VPS13A: variants seen among roughly 807,000 people sequenced by gnomAD.
VPS13A encodes the protein vacuolar protein sorting 13 homolog A.
A neutral mutation model predicts 390.9 loss-of-function variants in VPS13A; 264 were observed. The observed-to-expected ratio is 0.68, with a 90% confidence interval of 0.61 to 0.75. VPS13A has a LOEUF of 0.75. Among genes scored for constraint, VPS13A ranks in the 30% least tolerant of loss-of-function variants. The pLI is 0.00. For synonymous variants in VPS13A, 1,231 were observed against 1,227.1 expected, an observed-to-expected ratio of 1.00 and a Z score of -0.07; for missense variants, 3,409 against 3,733.9, an observed-to-expected ratio of 0.91 and a Z score of 2.27.
chr9:77,215,799 A>T (rs965836594), intron 10 of VPS13A, among the ~76,000 whole-genome samples: 1 of 152,248 alleles, frequency 6.6e-6, no homozygotes, highest in Non-Finnish European at 1.5e-5. Context: ...GTGCTGTGCC[A>T]GCAAAACCTG....
chr9:77,328,727 C>G (rs1259031045), intron 45 of VPS13A, among the ~76,000 whole-genome samples: 2 of 152,172 alleles, frequency 1.3e-5, no homozygotes, highest in Non-Finnish European at 2.9e-5. Flanking sequence ...CTGCAACTTG[C>G]TCATGTCTCT....
rs997246737 is a variant in VPS13A at position 77,315,239 on chromosome 9, A to G, written c.4413-14A>G. ...TTACTCATACATAGGAATTGTTGTT[A>G]TTGTGTTTTCCAGAATGATAGGACT... On this transcript the variant is annotated splice_polypyrimidine_tract_variant and intron_variant, in intron 37 of 71. Transcript: ENST00000360280. 3.2e-5 allele frequency: 51 copies of G among 1,609,208 alleles called. No individual in the cohort carries two copies. Among genetic ancestry groups the G allele is most frequent in the Non-Finnish European group, 4.1e-5 (48 of 1,175,942 alleles).
At chr9:77,214,710 A>G (rs1229495051) in intron 10 of VPS13A, among the ~76,000 whole-genome samples, 5 of 152,232 alleles carry the variant, frequency 3.3e-5, no homozygotes, top group Admixed American at 6.5e-5. Context: ...GTAAAATTTA[A>G]TAAGGCTAGC....
chr9:77,281,956 T>G (rs1253367442), intron 28 of VPS13A, 30 bp downstream of exon 28: 4 of 1,425,832 alleles, frequency 2.8e-6, no homozygotes, highest in Non-Finnish European at 2.9e-6. Flanking sequence ...TTTTTAATTA[T>G]GTACTATTTC....
At chr9:77,204,431 A>G (rs1350048062) in intron 3 of VPS13A, among the ~76,000 whole-genome samples, 1 of 152,130 alleles carries the variant, frequency 6.6e-6, no homozygotes, top group African/African-American at 2.4e-5. Flanking sequence ...GGATGTTTTC[A>G]TTAGTTTGCA....
intron 21 of VPS13A, among the ~76,000 whole-genome samples, chr9:77,252,006 C>T (rs1457832489): frequency 6.6e-6 from 1 of 152,008 alleles, no homozygotes; most frequent in African/African-American, 2.4e-5. Context: ...TGCTTTACTG[C>T]CATGTTACTT....
At chr9:77,187,570 T>G (rs1195222304) in intron 1 of VPS13A, among the ~76,000 whole-genome samples, 1 of 151,592 alleles carries the variant, frequency 6.6e-6, no homozygotes, top group African/African-American at 2.4e-5. Flanking sequence ...TTAATCAGGT[T>G]GTTTGTTTTT....
At chr9:77,245,395 T>C (rs1252389946) in intron 19 of VPS13A, among the ~76,000 whole-genome samples, 1 of 152,224 alleles carries the variant, frequency 6.6e-6, no homozygotes, top group Non-Finnish European at 1.5e-5. Context: ...TTGACCCTTC[T>C]GGATGCTTCT....
At chr9:77,358,829 T>A (rs1220496834) in intron 57 of VPS13A, among the ~76,000 whole-genome samples, 1 of 152,102 alleles carries the variant, frequency 6.6e-6, no homozygotes. Context: ...TTTCTACCCT[T>A]TTCTTTCCCT....
In VPS13A at chr9:77,276,180, C is replaced by T. The variant is rs757651034; in HGVS notation, c.2783C>T (p.Ala928Val). 1.2e-6 allele frequency: 2 copies of T among 1,609,694 alleles called. No individual in the cohort carries two copies. The highest frequency in any genetic ancestry group is 1.7e-6 in the Non-Finnish European group (2 of 1,178,036). Residue 928 changes from alanine to valine, a missense_variant, in exon 26 of 72, where the codon GCC (alanine) becomes GTC (valine). By Grantham distance (64) the Ala-to-Val change is moderately conservative. This residue lies in a region of VPS13A where 2,717 missense variants were observed against 2,917.4 expected (regional missense o/e 0.93). Transcript: ENST00000360280. ...AGAACATACGATTTGAAAGCAAATGCCTTTTTGAAAGAGTTCTGCTTAAAA... is the reference window on the plus strand; with the variant it reads ...AGAACATACGATTTGAAAGCAAATGTCTTTTTGAAAGAGTTCTGCTTAAAA... ...EIRTYDLKAN[A>V]FLKEFCLKCP...
At chr9:77,339,484 A>ATTTTTTTTTTTTTTTTTTTTTTTTTTTT (rs200451091) in intron 47 of VPS13A, 32 bp from the exon 48 acceptor site, 6 of 1,397,204 alleles carry the variant, frequency 4.3e-6, no homozygotes, top group Non-Finnish European at 2.9e-6. Flanking sequence ...AACATTTTAA[A>ATTTTTTTTTTTTTTTTTTTTTTTTTTTT]TTTTGTTTTG....
At chr9:77,242,374 C>T (rs1006467030) in intron 19 of VPS13A, among the ~76,000 whole-genome samples, 4 of 152,128 alleles carry the variant, frequency 2.6e-5, no homozygotes, top group Admixed American at 2.6e-4. Flanking sequence ...CATCTTGATT[C>T]ATTATTAATT....
At chr9:77,182,135 C>G (rs752437384) in intron 1 of VPS13A, among the ~76,000 whole-genome samples, 1 of 152,088 alleles carries the variant, frequency 6.6e-6, no homozygotes, top group African/African-American at 2.4e-5. Flanking sequence ...GTTCTGTCAC[C>G]CGGGTGGGAG....
intron 10 of VPS13A, among the ~76,000 whole-genome samples, chr9:77,219,566 T>C (rs1472157684): frequency 1.3e-5 from 2 of 152,182 alleles, no homozygotes; most frequent in Non-Finnish European, 2.9e-5. Flanking sequence ...ATTCAGAAAT[T>C]ATAATTATAT....
chr9:77,193,008 T>C lies in VPS13A; in HGVS notation c.101-6937T>C, dbSNP rs556830437. ...TTGTAGATTTGATCTCTTCACATAA[T>C]CTCATGTTTTTGGGAGATTTTTTTC... is the stretch of plus-strand genomic sequence containing the variant. On this transcript the variant is annotated intron_variant, in intron 1 of 71. Transcript: ENST00000360280. Among the ~76,000 whole-genome samples, 236 of 152,306 alleles carry C rather than the reference T, an allele frequency of 1.5e-3. 1 individual carries two copies. The highest frequency in any genetic ancestry group is 5.5e-3 in the African/African-American group (229 of 41,578).
Position 77,247,399 on chromosome 9 carries a change from T to C in VPS13A, c.2037+4T>C, listed in dbSNP as rs762672546. ...TTTGGACCTTGGTCATCTAAAGGTA[T>C]ATACTAATAATATTTGATTTATGAT... On this transcript the variant is annotated splice_donor_region_variant and intron_variant, in intron 20 of 71. Coordinates refer to ENST00000360280, the MANE Select transcript of VPS13A (RefSeq NM_033305.3). The C allele has an allele frequency of 1.9e-6, 3 of 1,605,824 alleles. No homozygotes were observed. The highest frequency in any genetic ancestry group is 2.5e-6 in the Non-Finnish European group (3 of 1,176,636).
chr9:77,384,781 C>T, intron 68 of VPS13A: 1 of 1,509,224 alleles, frequency 6.6e-7, no homozygotes, highest in Non-Finnish European at 8.8e-7. Flanking sequence ...GGAGGTAAAA[C>T]ACATTTTCTT....
intron 34 of VPS13A, among the ~76,000 whole-genome samples, chr9:77,307,213 T>TA (rs1828808433): frequency 6.6e-6 from 1 of 152,158 alleles, no homozygotes; most frequent in Non-Finnish European, 1.5e-5. Flanking sequence ...CCTGAAATTA[T>TA]TAGCTCTTTG....
At chr9:77,399,190 A>AAT in intron 68 of VPS13A, among the ~76,000 whole-genome samples, 1 of 140,598 alleles carries the variant, frequency 7.1e-6, no homozygotes, top group East Asian at 2.0e-4. Flanking sequence ...ATAAAAAAAA[A>AAT]AAAAAAAAAA....
Sources: gnomAD v4.1 joint callset for allele counts (sites outside exome capture counted in the v4.1 genomes callset) on GRCh38, gnomAD v4.1.1 for gene constraint, gnomAD v4.1.1 regional missense constraint, MANE v1.5 for transcripts, NCBI Gene and HGNC (gene_info 2026-07-23, HGNC 2026-07-21) for gene names.